TENM4: variants seen among roughly 807,000 people sequenced by gnomAD.
The protein encoded by TENM4 is teneurin-4.
Under a neutral mutation model 243.3 loss-of-function variants are expected in TENM4, and 82 were observed. That is an observed-to-expected ratio of 0.34 (90% CI 0.28 to 0.40). The LOEUF is 0.40. TENM4 is among the 10% of genes least tolerant of loss of function. The pLI is 1.00. For synonymous variants in TENM4, 1,412 were observed against 1,456.3 expected (o/e 0.97, Z 0.69); for missense variants, 3,138 against 3,673.3 (o/e 0.85, Z 3.77).
At chr11:79,181,960 A>AC (rs1181657419) in intron 3 of TENM4, among the ~76,000 whole-genome samples, 1 of 151,830 alleles carries the variant, frequency 6.6e-6, no homozygotes, top group African/African-American at 2.4e-5. Flanking sequence ...CTAAAAAAAA[A>AC]AAAACTGTTC....
At chr11:78,932,198 TGTCA>T (rs1372225179) in intron 6 of TENM4, among the ~76,000 whole-genome samples, 1 of 152,222 alleles carries the variant, frequency 6.6e-6, no homozygotes, top group African/African-American at 2.4e-5. Context: ...TGTAGCTGTC[TGTCA>T]AAGTCCCAGA....
chr11:79,071,661 T>C (rs1860417374), intron 4 of TENM4, among the ~76,000 whole-genome samples: 1 of 152,244 alleles, frequency 6.6e-6, no homozygotes, highest in Admixed American at 6.5e-5. Context: ...ATTCTGCCTT[T>C]GACCATGGAC....
chr11:78,690,093 T>TA (rs113839849), intron 28 of TENM4, among the ~76,000 whole-genome samples: 11,805 of 152,208 alleles, frequency 0.078, 503 homozygotes, highest in Middle Eastern at 0.14. Context: ...TTCTCTTTCT[T>TA]AGTACGGAGT....
intron 3 of TENM4, among the ~76,000 whole-genome samples, chr11:79,181,964 A>AC (rs1863289794): frequency 1.3e-5 from 2 of 151,246 alleles, no homozygotes; most frequent in Admixed American, 1.3e-4. Flanking sequence ...AAAAAAAAAA[A>AC]CTGTTCCACG....
intron 18 of TENM4, among the ~76,000 whole-genome samples, chr11:78,757,767 C>T (rs528861725): frequency 6.6e-6 from 1 of 152,136 alleles, no homozygotes. Context: ...GTGTGGCCTG[C>T]GGCTGAATCC....
chr11:79,323,882 TACAC>T (rs35628974), intron 1 of TENM4, among the ~76,000 whole-genome samples: 5 of 149,908 alleles, frequency 3.3e-5, no homozygotes, highest in Non-Finnish European at 3.0e-5. Flanking sequence ...TCCATCCCTA[TACAC>T]ACACACACAC....
intron 4 of TENM4, among the ~76,000 whole-genome samples, chr11:79,082,810 C>T (rs1860708465): frequency 6.6e-6 from 1 of 152,162 alleles, no homozygotes; most frequent in Admixed American, 6.5e-5. Context: ...ATCCAAGCCT[C>T]AAAGGGGTGG....
At chr11:78,952,733 AAC>A (rs1213242822) in intron 6 of TENM4, among the ~76,000 whole-genome samples, 3 of 152,156 alleles carry the variant, frequency 2.0e-5, no homozygotes, top group African/African-American at 7.2e-5. Flanking sequence ...GTAAACACTA[AAC>A]ACCTGCCTTG....
chr11:78,924,043 T>C (rs1433501910), intron 6 of TENM4, among the ~76,000 whole-genome samples: 2 of 151,958 alleles, frequency 1.3e-5, no homozygotes, highest in East Asian at 3.9e-4. Context: ...TTAGTAGAGA[T>C]GGGGTTTAAC....
intron 4 of TENM4, among the ~76,000 whole-genome samples, chr11:79,116,550 A>G (rs909065508): frequency 7.2e-5 from 11 of 152,246 alleles, no homozygotes; most frequent in African/African-American, 2.6e-4. Flanking sequence ...GATGGGAAGG[A>G]TTATTGTTGA....
intron 13 of TENM4, among the ~76,000 whole-genome samples, chr11:78,813,385 GA>G (rs1857539082): frequency 6.6e-6 from 1 of 152,134 alleles, no homozygotes; most frequent in South Asian, 2.1e-4. Context: ...TACTCTGATA[GA>G]AGCTCCCTGT....
intron 12 of TENM4, among the ~76,000 whole-genome samples, chr11:78,831,724 G>T (rs934672306): frequency 1.3e-5 from 2 of 152,224 alleles, no homozygotes; most frequent in East Asian, 3.9e-4. Context: ...AAGGACAAAA[G>T]AGACTTCCCA....
At chr11:78,909,748 G>C (rs1002075930) in intron 6 of TENM4, among the ~76,000 whole-genome samples, 7 of 152,234 alleles carry the variant, frequency 4.6e-5, no homozygotes, top group East Asian at 3.8e-4. Flanking sequence ...CATGTGCAAG[G>C]GTTCAGAAGC....
chr11:79,391,038 A>T (rs1858222682), intron 1 of TENM4, among the ~76,000 whole-genome samples: 1 of 152,184 alleles, frequency 6.6e-6, no homozygotes, highest in African/African-American at 2.4e-5. Context: ...AGCGTCATTA[A>T]AAGTGTGAAC....
chr11:78,818,990 A>C (rs1429127795), intron 12 of TENM4, among the ~76,000 whole-genome samples: 1 of 151,622 alleles, frequency 6.6e-6, no homozygotes, highest in Non-Finnish European at 1.5e-5. Context: ...CATGATTTTC[A>C]GGAACTTGTT....
At chr11:79,399,421 A>G (rs910502529) in intron 1 of TENM4, among the ~76,000 whole-genome samples, 6 of 152,340 alleles carry the variant, frequency 3.9e-5, no homozygotes, top group African/African-American at 1.4e-4. Flanking sequence ...CTGCTACCAT[A>G]GCCAAGGAAG....
chr11:79,078,072 G>A (rs149908459), intron 4 of TENM4, among the ~76,000 whole-genome samples: 110 of 152,254 alleles, frequency 7.2e-4, no homozygotes, highest in African/African-American at 2.6e-3. Context: ...TGGAGCATTC[G>A]CAGAGAGACT....
In TENM4 at chr11:79,069,707, C is replaced by A. The variant is rs987385600; in HGVS notation, c.223+15G>T. 6.5e-7 allele frequency: 1 copy of A among 1,542,368 alleles called. No individual in the cohort carries two copies. Among genetic ancestry groups the A allele is most frequent in the African/African-American group, 1.4e-5 (1 of 72,876 alleles). On this transcript the variant is annotated intron_variant, in intron 5 of 33. Transcript: ENST00000278550. The stretch of plus-strand genomic sequence containing the variant: ...CACCTGCGCCTGAGGCCCGCCCCCT[C>A]GGCCTTGTCCTTACCTGTGCGGCAG...
chr11:78,889,779 G>A lies in TENM4; in HGVS notation c.1084+6C>T, dbSNP rs929000270. The A allele has an allele frequency of 6.4e-6, 10 of 1,551,788 alleles. No individual in the cohort carries two copies. The highest frequency in any genetic ancestry group is 8.7e-6 in the Non-Finnish European group (10 of 1,146,952). ...GCAAGGGGAGCTGGGGTGAAGAGGT[G>A]CTTACCCACAAAGTATGCCAGCAGG... is the stretch of plus-strand genomic sequence containing the variant. On this transcript the variant is annotated splice_donor_region_variant and intron_variant, in intron 9 of 33. Coordinates refer to ENST00000278550, the MANE Select transcript of TENM4 (RefSeq NM_001098816.3).
Sources: gnomAD v4.1 joint callset for allele counts (sites outside exome capture counted in the v4.1 genomes callset) on GRCh38, gnomAD v4.1.1 for gene constraint, MANE v1.5 for transcripts, NCBI Gene and HGNC (gene_info 2026-07-23, HGNC 2026-07-21) for gene names.